Variants in CSMD1 observed in about 807,000 individuals in gnomAD.
The protein encoded by CSMD1 is CUB and Sushi multiple domains 1, also known as CUB and sushi domain-containing protein 1.
CSMD1 carries 213 observed loss-of-function variants against 417.5 expected under a neutral mutation model. That is an observed-to-expected ratio of 0.51 (90% CI 0.46 to 0.57). CSMD1 has a LOEUF of 0.57. Ranked by LOEUF, CSMD1 falls within the 20% of genes least tolerant of loss-of-function variation. The pLI is 0.00. For missense variants in CSMD1, 6,923 were observed against 4,529.7 expected, an observed-to-expected ratio of 1.53 and a Z score of -15.17; for synonymous variants, 2,862 against 1,736.8, an observed-to-expected ratio of 1.65 and a Z score of -16.11.
At chr8:3,815,091 G>T (rs1263150831) in intron 5 of CSMD1, among the ~76,000 whole-genome samples, 2 of 152,170 alleles carry the variant, frequency 1.3e-5, no homozygotes, top group African/African-American at 4.8e-5. Context: ...TATTTGAGCT[G>T]TACATTTTTT....
At chr8:3,658,849 G>T (rs981625222) in intron 7 of CSMD1, among the ~76,000 whole-genome samples, 2 of 152,074 alleles carry the variant, frequency 1.3e-5, no homozygotes, top group South Asian at 4.1e-4. Flanking sequence ...AACATTGAAG[G>T]TTTTCTCCTA....
chr8:3,201,806 T>C (rs760948085), intron 31 of CSMD1, 81 bp from the exon 32 acceptor site: 4 of 695,274 alleles, frequency 5.8e-6, no homozygotes, highest in African/African-American at 1.8e-5. Flanking sequence ...TGAATATCTA[T>C]TAATTGCCCC....
chr8:4,843,916 G>A (rs564493445), intron 1 of CSMD1, among the ~76,000 whole-genome samples: 2 of 152,250 alleles, frequency 1.3e-5, no homozygotes, highest in East Asian at 1.9e-4. Flanking sequence ...TGGGTGCACA[G>A]GAGTTAGTTC....
intron 12 of CSMD1, among the ~76,000 whole-genome samples, chr8:3,424,382 G>C (rs1446989465): frequency 6.6e-6 from 1 of 152,164 alleles, no homozygotes; most frequent in South Asian, 2.1e-4. Flanking sequence ...ACATTGCCCA[G>C]TTACTGCATT....
At chr8:4,682,621 T>C (rs1806121148) in intron 1 of CSMD1, among the ~76,000 whole-genome samples, 1 of 152,100 alleles carries the variant, frequency 6.6e-6, no homozygotes, top group Admixed American at 6.6e-5. Flanking sequence ...CATAGGCTTC[T>C]TAAAGGTATT....
intron 6 of CSMD1, among the ~76,000 whole-genome samples, chr8:3,729,229 C>T (rs756060606): frequency 1.1e-4 from 17 of 152,204 alleles, no homozygotes; most frequent in Non-Finnish European, 2.2e-4. Context: ...GTCAGGCACA[C>T]TCTTCCCTGC....
intron 3 of CSMD1, among the ~76,000 whole-genome samples, chr8:4,158,904 A>T (rs1343752691): frequency 2.6e-5 from 4 of 152,124 alleles, no homozygotes; most frequent in African/African-American, 9.7e-5. Flanking sequence ...GAAAAGAAAG[A>T]TTATCTTTCT....
At chr8:3,926,069 C>CAAACACCATAT (rs1275162408) in intron 5 of CSMD1, among the ~76,000 whole-genome samples, 2 of 133,016 alleles carry the variant, frequency 1.5e-5, no homozygotes, top group African/African-American at 6.0e-5. Flanking sequence ...CACACACACA[C>CAAACACCATAT]ACACAAACAC....
At chr8:4,088,531 G>A (rs902830747) in intron 3 of CSMD1, among the ~76,000 whole-genome samples, 4 of 152,144 alleles carry the variant, frequency 2.6e-5, no homozygotes, top group Non-Finnish European at 1.5e-5. Flanking sequence ...TGGTTAGGAT[G>A]CAAAACTAAA....
At chr8:4,229,165 A>G (rs77233559) in intron 3 of CSMD1, among the ~76,000 whole-genome samples, 4,671 of 152,250 alleles carry the variant, frequency 0.031, 227 homozygotes, top group African/African-American at 0.11. Flanking sequence ...GGGCAGGACA[A>G]AAACCCGGAG....
At chr8:3,126,587 C>A (rs562856843) in intron 41 of CSMD1, among the ~76,000 whole-genome samples, 2 of 152,312 alleles carry the variant, frequency 1.3e-5, no homozygotes, top group East Asian at 3.9e-4. Flanking sequence ...CAAGTGCACA[C>A]ATACAGAAGC....
At chr8:3,037,282 T>G (rs925489276) in intron 50 of CSMD1, among the ~76,000 whole-genome samples, 1 of 146,074 alleles carries the variant, frequency 6.8e-6, no homozygotes, top group Non-Finnish European at 1.5e-5. Context: ...CTCGGCTCAC[T>G]GCAAGCTCCG....
intron 62 of CSMD1, 31 bp from the exon 63 acceptor site, chr8:2,957,838 G>A: frequency 1.2e-5 from 17 of 1,431,402 alleles, no homozygotes; most frequent in Non-Finnish European, 1.6e-5. Flanking sequence ...TAGCTTCAGA[G>A]GCCAAGGGAA....
intron 48 of CSMD1, among the ~76,000 whole-genome samples, chr8:3,091,077 T>C (rs1311252248): frequency 6.6e-6 from 1 of 152,052 alleles, no homozygotes; most frequent in Non-Finnish European, 1.5e-5. Flanking sequence ...TACACATATA[T>C]GTAGTGTGAA....
chr8:4,579,352 G>A (rs2725063), intron 2 of CSMD1, among the ~76,000 whole-genome samples: 54,916 of 150,496 alleles, frequency 0.36, 10,035 homozygotes, highest in Non-Finnish European at 0.37. Context: ...ATACACACAC[G>A]TGTGTGTGTG....
chr8:4,212,501 G>C (rs1228883139), intron 3 of CSMD1, among the ~76,000 whole-genome samples: 2 of 151,868 alleles, frequency 1.3e-5, no homozygotes, highest in African/African-American at 4.8e-5. Context: ...CGATCCTAAA[G>C]CTTATTTAGA....
At chr8:4,334,833 A>C (rs1174825607) in intron 3 of CSMD1, among the ~76,000 whole-genome samples, 1 of 152,106 alleles carries the variant, frequency 6.6e-6, no homozygotes, top group Non-Finnish European at 1.5e-5. Flanking sequence ...TTTTTAAAGA[A>C]AAGACATTTA....
chr8:3,917,526 C>G (rs1808912989), intron 5 of CSMD1, among the ~76,000 whole-genome samples: 1 of 151,998 alleles, frequency 6.6e-6, no homozygotes. Context: ...AAATAACAAC[C>G]AATGTTTTAT....
At chr8:3,568,225 G>A (rs1799798408) in intron 10 of CSMD1, among the ~76,000 whole-genome samples, 1 of 152,170 alleles carries the variant, frequency 6.6e-6, no homozygotes, top group South Asian at 2.1e-4. Context: ...GGATGTTTGA[G>A]TATTTATTTC....
Sources: gnomAD v4.1 joint callset for allele counts (sites outside exome capture counted in the v4.1 genomes callset) on GRCh38, gnomAD v4.1.1 for gene constraint, MANE v1.5 for transcripts, NCBI Gene and HGNC (gene_info 2026-07-23, HGNC 2026-07-21) for gene names.